The following SPAG16 variants were observed in gnomAD, a reference collection of about 807,000 sequenced individuals.
SPAG16 encodes the protein sperm-associated antigen 16 protein.
SPAG16 carries 86 observed loss-of-function variants against 80.4 expected under a neutral mutation model. The observed-to-expected ratio is 1.07, with a 90% confidence interval of 0.90 to 1.28. The LOEUF is 1.28. Ranked by LOEUF, SPAG16 falls within the 50% of genes most tolerant of loss-of-function variation. The pLI is 0.00. For missense variants in SPAG16, 870 were observed against 765.3 expected, an observed-to-expected ratio of 1.14 and a Z score of -1.61; for synonymous variants, 294 against 265.9, an observed-to-expected ratio of 1.11 and a Z score of -1.03.
At chr2:213,386,389 C>T (rs2067431231) in intron 9 of SPAG16, among the ~76,000 whole-genome samples, 1 of 152,168 alleles carries the variant, frequency 6.6e-6, no homozygotes, top group Non-Finnish European at 1.5e-5. Context: ...CTATCCCTAA[C>T]CTCCTATTGC....
In SPAG16 at chr2:213,582,462, T is replaced by C. The variant is rs572741063; in HGVS notation, c.1070+92372T>C. The stretch of plus-strand genomic sequence containing the variant: ...CATGAAACATGAGGCCTTGAGGTCA[T>C]GGGCTGAAAGAGATAGTTGAACTCT... On this transcript the variant is annotated intron_variant, in intron 10 of 15. Transcript: ENST00000331683. Among the ~76,000 whole-genome samples the C allele has an allele frequency of 1.6e-3, 249 of 152,236 alleles. 1 individual carries two copies. The highest frequency in any genetic ancestry group is 5.8e-3 in the African/African-American group (241 of 41,554).
chr2:214,099,652 A>G (rs1470346699), intron 13 of SPAG16, among the ~76,000 whole-genome samples: 1 of 152,120 alleles, frequency 6.6e-6, no homozygotes. Context: ...TACAACAAAC[A>G]TGATTTATGG....
At chr2:213,346,162 T>C (rs983567526) in intron 6 of SPAG16, among the ~76,000 whole-genome samples, 5 of 152,212 alleles carry the variant, frequency 3.3e-5, no homozygotes, top group African/African-American at 7.2e-5. Flanking sequence ...GGGAGTTCAC[T>C]CATGATTTGG....
intron 15 of SPAG16, among the ~76,000 whole-genome samples, chr2:214,351,278 T>G (rs1229612190): frequency 3.3e-5 from 5 of 152,158 alleles, no homozygotes; most frequent in Admixed American, 3.3e-4. Flanking sequence ...TTGTATGTAT[T>G]CAGTAGCATT....
intron 15 of SPAG16, among the ~76,000 whole-genome samples, chr2:214,171,609 T>C (rs1432500281): frequency 6.6e-6 from 1 of 151,920 alleles, no homozygotes; most frequent in African/African-American, 2.4e-5. Flanking sequence ...CTCAGCAACT[T>C]TTCTTTGCTT....
intron 15 of SPAG16, among the ~76,000 whole-genome samples, chr2:214,250,660 T>G (rs866368630): frequency 5.0e-5 from 7 of 139,068 alleles, no homozygotes; most frequent in African/African-American, 1.8e-4. Context: ...TATTTATATA[T>G]TATATATTTA....
chr2:213,932,199 T>TATATATATA (rs1559602689), intron 12 of SPAG16, among the ~76,000 whole-genome samples: 2 of 136,972 alleles, frequency 1.5e-5, no homozygotes, highest in Non-Finnish European at 3.1e-5. Flanking sequence ...TATATATATA[T>TATATATATA]TTGTTGTTGT....
chr2:213,361,678 C>T (rs969485838), intron 7 of SPAG16, among the ~76,000 whole-genome samples: 1 of 93,040 alleles, frequency 1.1e-5, no homozygotes. Context: ...GAAAAAAAAA[C>T]TCAACATAAT....
chr2:214,164,245 C>T (rs570310842), intron 15 of SPAG16, among the ~76,000 whole-genome samples: 6 of 151,962 alleles, frequency 3.9e-5, no homozygotes, highest in African/African-American at 1.2e-4. Context: ...AAATAGCTAC[C>T]GAAATTAATG....
intron 15 of SPAG16, among the ~76,000 whole-genome samples, chr2:214,260,226 C>G (rs1421870878): frequency 6.6e-6 from 1 of 152,040 alleles, no homozygotes; most frequent in African/African-American, 2.4e-5. Context: ...ACAGTATACA[C>G]AGGAGATGAG....
chr2:213,436,754 A>G (rs1559131852), intron 9 of SPAG16, among the ~76,000 whole-genome samples: 2 of 152,152 alleles, frequency 1.3e-5, no homozygotes, highest in African/African-American at 4.8e-5. Context: ...ATACCATTTA[A>G]TTTATTTTCA....
intron 2 of SPAG16, 135 bp from the exon 3 acceptor site, chr2:213,297,127 T>G (rs1172710800): frequency 2.2e-5 from 33 of 1,474,556 alleles, no homozygotes; most frequent in Non-Finnish European, 3.0e-5. Flanking sequence ...TCATGGATCT[T>G]CAGAATGACA....
chr2:213,399,257 G>T (rs1559090544), intron 9 of SPAG16, among the ~76,000 whole-genome samples: 1 of 151,792 alleles, frequency 6.6e-6, no homozygotes, highest in Admixed American at 6.6e-5. Context: ...TATTGTCTTT[G>T]GTGGTTATTC....
chr2:213,885,766 G>T (rs1310852139), intron 11 of SPAG16, among the ~76,000 whole-genome samples: 2 of 152,082 alleles, frequency 1.3e-5, no homozygotes, highest in Non-Finnish European at 2.9e-5. Flanking sequence ...AAGAAAAATG[G>T]CTTAATCTAT....
chr2:213,402,128 C>CT (rs935072139), intron 9 of SPAG16, among the ~76,000 whole-genome samples: 1 of 151,774 alleles, frequency 6.6e-6, no homozygotes, highest in Admixed American at 6.6e-5. Flanking sequence ...CTCATATTAT[C>CT]TTTTTTTGCC....
At position 214,234,628 on chromosome 2, in the gene SPAG16, C is replaced by A. The variant is rs1453865385; in HGVS notation, c.1720+85362C>A. ...ATCATTGTAGTTTTCATTTGCATTT[C>A]TCTAATCATCAGTGATGTTGAGCTT... is the stretch of plus-strand genomic sequence containing the variant. On this transcript the variant is annotated intron_variant, in intron 15 of 15. Coordinates refer to ENST00000331683, the MANE Select transcript of SPAG16 (RefSeq NM_024532.5). Among the ~76,000 whole-genome samples, 3 of 152,106 alleles carry A rather than the reference C, an allele frequency of 2.0e-5. No individual in the cohort carries two copies. In the East Asian group the frequency reaches 5.8e-4, roughly 29 times the overall value.
At chr2:213,694,371 G>A (rs546534769) in intron 10 of SPAG16, among the ~76,000 whole-genome samples, 11 of 152,110 alleles carry the variant, frequency 7.2e-5, no homozygotes, top group Middle Eastern at 6.8e-3. Flanking sequence ...TTGGCTAATT[G>A]TTCACAATTT....
chr2:213,520,391 C>G (rs2125845996), intron 10 of SPAG16, among the ~76,000 whole-genome samples: 1 of 151,982 alleles, frequency 6.6e-6, no homozygotes, highest in African/African-American at 2.4e-5. Flanking sequence ...TTGAGACCAT[C>G]CTGGCTAACA....
intron 10 of SPAG16, among the ~76,000 whole-genome samples, chr2:213,736,327 T>C (rs2067279982): frequency 6.6e-6 from 1 of 152,166 alleles, no homozygotes; most frequent in Non-Finnish European, 1.5e-5. Context: ...GGAGTCTCAC[T>C]CTGTCACCCA....
Sources: gnomAD v4.1 joint callset for allele counts (sites outside exome capture counted in the v4.1 genomes callset) on GRCh38, gnomAD v4.1.1 for gene constraint, MANE v1.5 for transcripts, NCBI Gene and HGNC (gene_info 2026-07-23, HGNC 2026-07-21) for gene names.